Variants in RASGRP3 observed in about 807,000 individuals in gnomAD.
The protein encoded by RASGRP3 is ras guanyl-releasing protein 3.
Under a neutral mutation model 82.7 loss-of-function variants are expected in RASGRP3, and 54 were observed. That is an observed-to-expected ratio of 0.65 (90% CI 0.52 to 0.82). The LOEUF (loss-of-function observed/expected upper bound fraction) is 0.82. RASGRP3 is among the 40% of genes least tolerant of loss of function. The pLI is 0.00. For missense variants in RASGRP3, 861 were observed against 828.9 expected (o/e 1.04, Z -0.48); for synonymous variants, 309 against 300.5 (o/e 1.03, Z -0.29).
At chr2:33,474,086 C>A (rs1056380092), upstream of RASGRP3, among the ~76,000 whole-genome samples, 2 of 152,182 alleles carry the variant, frequency 1.3e-5, no homozygotes, top group African/African-American at 4.8e-5. Context: ...TGCTCACCTC[C>A]TGCTGTGCAG....
At chr2:33,501,656 C>T (rs555386399) in intron 1 of RASGRP3, among the ~76,000 whole-genome samples, 1 of 152,298 alleles carries the variant, frequency 6.6e-6, no homozygotes, top group Non-Finnish European at 1.5e-5. Context: ...CTGCAGTTTG[C>T]GTGTAGCTTG....
chr2:33,532,459 C>T (rs1035980272), intron 10 of RASGRP3: 7 of 152,184 alleles, frequency 4.6e-5, no homozygotes, highest in Admixed American at 2.0e-4. Context: ...TAAATTACAT[C>T]TGCAAAGACT....
At chr2:33,470,398 G>A (rs1342170008) in intron 2 of RASGRP3, among the ~76,000 whole-genome samples, 12 of 103,058 alleles carry the variant, frequency 1.2e-4, no homozygotes, top group African/African-American at 4.5e-4. Context: ...TTTTTTTTTT[G>A]AGATGGAGTC....
intron 2 of RASGRP3, among the ~76,000 whole-genome samples, chr2:33,465,814 C>T (rs182744808): frequency 6.6e-6 from 1 of 152,318 alleles, no homozygotes; most frequent in Admixed American, 6.5e-5. Context: ...AGCCAATGCT[C>T]ATTTGCCAAT....
chr2:33,444,850 G>T (rs1167350192), intron 1 of RASGRP3, among the ~76,000 whole-genome samples: 1 of 152,116 alleles, frequency 6.6e-6, no homozygotes, highest in Non-Finnish European at 1.5e-5. Flanking sequence ...GCTTGTAAAA[G>T]ACTTTATCAT....
At chr2:33,479,356 C>T (rs1246705528) in intron 1 of RASGRP3, among the ~76,000 whole-genome samples, 3 of 152,138 alleles carry the variant, frequency 2.0e-5, no homozygotes, top group African/African-American at 7.2e-5. Context: ...CTCCCATGCC[C>T]CTTCTGGCCT....
At chr2:33,555,680 T>G in intron 15 of RASGRP3, 113 bp downstream of exon 15, 1 of 933,488 alleles carries the variant, frequency 1.1e-6, no homozygotes. Flanking sequence ...TTCAGTCTTT[T>G]GGGTCAACGG....
intron 15 of RASGRP3, 122 bp downstream of exon 15, chr2:33,555,689 G>A (rs938711060): frequency 1.1e-5 from 9 of 843,280 alleles, no homozygotes; most frequent in South Asian, 6.6e-5. Context: ...TTGGGTCAAC[G>A]GCAACTGAGA....
At chr2:33,562,585 C>CTAAT in intron 17 of RASGRP3, 144 bp from the exon 18 acceptor site, 2 of 904,300 alleles carry the variant, frequency 2.2e-6, no homozygotes, top group Non-Finnish European at 1.7e-6. Context: ...ACATGATCTC[C>CTAAT]TAATTCCCAC....
chr2:33,520,049 T>C, intron 5 of RASGRP3, 35 bp downstream of exon 5: 1 of 1,504,290 alleles, frequency 6.6e-7, no homozygotes, highest in Non-Finnish European at 9.1e-7. Context: ...TCTTGTAGTT[T>C]CTGGTTCTGG....
In RASGRP3 at chr2:33,563,003, A is replaced by T. The variant is rs1219041973; in HGVS notation, c.*266A>T. Reference sequence around the variant, plus strand: ...GTTATGTAGTCAGTACTTTTTTCTCATGTATCTTTCTCTAGACCATTTATA... The same window carrying T: ...GTTATGTAGTCAGTACTTTTTTCTCTTGTATCTTTCTCTAGACCATTTATA... On this transcript the variant is annotated 3_prime_UTR_variant, in exon 18 of 18. Transcript: ENST00000403687. 2.1e-6 allele frequency: 1 copy of T among 483,966 alleles called. No individual in the cohort carries two copies. Among genetic ancestry groups the T allele is most frequent in the Admixed American group, 3.9e-5 (1 of 25,956 alleles). 30.0% of individuals were successfully genotyped at this position (483,966 alleles called of 1,614,324 possible).
chr2:33,543,423 G>T, intron 12 of RASGRP3, 89 bp from the exon 13 acceptor site: 1 of 730,960 alleles, frequency 1.4e-6, no homozygotes. Context: ...TGATAGAAAG[G>T]ATCATATGCT....
chr2:33,458,619 T>C (rs1666175750), intron 2 of RASGRP3, among the ~76,000 whole-genome samples: 1 of 152,210 alleles, frequency 6.6e-6, no homozygotes, highest in African/African-American at 2.4e-5. Context: ...TAGTGGACCC[T>C]ATTCCTGCCT....
chr2:33,520,692 T>C lies in RASGRP3; in HGVS notation c.368+8T>C. 8 of 1,613,496 alleles carry C rather than the reference T, an allele frequency of 5.0e-6. No individual in the cohort carries two copies. The highest frequency in any genetic ancestry group is 5.9e-6 in the Non-Finnish European group (7 of 1,179,634). The stretch of plus-strand genomic sequence containing the variant: ...CATCGACATATCCAGCATGTAAGAG[T>C]GGCACCGACGTCTTTCACACCCAAT... On this transcript the variant is annotated splice_region_variant and intron_variant, in intron 6 of 17. Transcript: ENST00000403687.
intron 1 of RASGRP3, among the ~76,000 whole-genome samples, chr2:33,442,560 G>A (rs530637770): frequency 2.0e-5 from 3 of 152,192 alleles, no homozygotes; most frequent in African/African-American, 7.2e-5. Flanking sequence ...GCCATTGACG[G>A]CCTCTCCTCC....
At position 33,562,752 on chromosome 2, in the gene RASGRP3, A is replaced by T. The variant is rs1558535204; in HGVS notation, c.*15A>T. The T allele has an allele frequency of 1.2e-6, 2 of 1,613,084 alleles. No homozygotes were observed. Among genetic ancestry groups the T allele is most frequent in the East Asian group, 4.5e-5 (2 of 44,878 alleles). On this transcript the variant is annotated 3_prime_UTR_variant, in exon 18 of 18. Transcript: ENST00000403687. ...AGGATGGCTGACTTCAGGCTGCGGA[A>T]ACTGAAGGCAATAATGTTGGCTTTT... is the stretch of plus-strand genomic sequence containing the variant.
chr2:33,461,695 T>A (rs564485517), intron 2 of RASGRP3, among the ~76,000 whole-genome samples: 1 of 152,366 alleles, frequency 6.6e-6, no homozygotes, highest in East Asian at 1.9e-4. Flanking sequence ...AGATTCTTAC[T>A]CTGCTATGGA....
At chr2:33,514,517 A>AAC (rs1423939155) in intron 2 of RASGRP3, among the ~76,000 whole-genome samples, 1 of 149,738 alleles carries the variant, frequency 6.7e-6, no homozygotes, top group African/African-American at 2.4e-5. Flanking sequence ...AAAAAAAAAA[A>AAC]AAAAAAAAAA....
At chr2:33,497,588 C>G (rs952918713) in intron 1 of RASGRP3, among the ~76,000 whole-genome samples, 7 of 152,178 alleles carry the variant, frequency 4.6e-5, no homozygotes, top group Non-Finnish European at 8.8e-5. Flanking sequence ...AGAATAAATG[C>G]AATGTCCAGA....
Sources: allele counts gnomAD v4.1 joint callset (sites outside exome capture counted in the v4.1 genomes callset), GRCh38; gene constraint gnomAD v4.1.1; transcripts MANE v1.5; gene names NCBI Gene and HGNC (gene_info 2026-07-23, HGNC 2026-07-21).